JPH3: variants seen among roughly 807,000 people sequenced by gnomAD.
JPH3 encodes the protein junctophilin 3, also known as junctophilin-3.
JPH3 carries 11 observed loss-of-function variants against 59.6 expected under a neutral mutation model. The ratio of observed to expected loss-of-function variants is 0.18; its 90% CI spans 0.12 to 0.31. The LOEUF (loss-of-function observed/expected upper bound fraction) is 0.31. Among genes scored for constraint, JPH3 ranks in the 10% least tolerant of loss-of-function variants. The pLI is 1.00. For synonymous variants in JPH3, 673 were observed against 483.6 expected, an observed-to-expected ratio of 1.39 and a Z score of -5.14; for missense variants, 1,202 against 1,105.7, an observed-to-expected ratio of 1.09 and a Z score of -1.24.
In JPH3 at chr16:87,689,707, C is replaced by A. The variant is rs148323380; in HGVS notation, c.1347C>A (p.Thr449=). The change falls in exon 4 of 5, where the codon ACC becomes ACA. Residue 449 remains threonine, a synonymous_variant. Coordinates refer to ENST00000284262, the MANE Select transcript of JPH3 (RefSeq NM_020655.4). ...GTGACGACATCGAGGTGCTGTCCAC[C>A]GGGACACCCCTGCAGCAGGAGAGCC... ...TSCDDIEVLS[T]GTPLQQESPE... The A allele has an allele frequency of 1.2e-6, 2 of 1,612,306 alleles. No homozygotes were observed. Among genetic ancestry groups the A allele is most frequent in the East Asian group, 2.2e-5 (1 of 44,870 alleles).
Position 87,609,262 on chromosome 16 carries a change from T to C in JPH3, c.382+5734T>C, listed in dbSNP as rs113460852. Among the ~76,000 whole-genome samples, 19 of 152,244 alleles carry C rather than the reference T, an allele frequency of 1.2e-4. 1 individual carries two copies. Among genetic ancestry groups the C allele is most frequent in the African/African-American group, 4.3e-4 (18 of 41,548 alleles). ...GGGGTGAGACTTTATTTTTTTGTTT[T>C]TATTTATTTATTTATCTGTTTTGAG... On this transcript the variant is annotated intron_variant, in intron 1 of 4. Coordinates refer to ENST00000284262, the MANE Select transcript of JPH3 (RefSeq NM_020655.4).
At chr16:87,692,969 G>A (rs1041897734) in intron 4 of JPH3, among the ~76,000 whole-genome samples, 5 of 152,234 alleles carry the variant, frequency 3.3e-5, no homozygotes, top group South Asian at 2.1e-4. Flanking sequence ...CGCTGGGGTG[G>A]GGGAACTTTG....
intron 3 of JPH3, among the ~76,000 whole-genome samples, chr16:87,687,924 TC>T (rs1221180963): frequency 2.0e-5 from 3 of 149,962 alleles, no homozygotes; most frequent in African/African-American, 7.6e-5. Context: ...CCCTTGGAAG[TC>T]CCATCCTGGC....
At chr16:87,612,590 C>T (rs2030770063) in intron 1 of JPH3, among the ~76,000 whole-genome samples, 1 of 152,172 alleles carries the variant, frequency 6.6e-6, no homozygotes, top group South Asian at 2.1e-4. Context: ...AGACCACTGA[C>T]ACTGGAAACT....
intron 2 of JPH3, among the ~76,000 whole-genome samples, chr16:87,670,407 G>A (rs1359032253): frequency 6.6e-6 from 1 of 152,172 alleles, no homozygotes; most frequent in Non-Finnish European, 1.5e-5. Context: ...TGCTCCCTGT[G>A]GTCCAGCCTG....
chr16:87,672,798 G>C (rs2033051041), intron 2 of JPH3, among the ~76,000 whole-genome samples: 1 of 152,174 alleles, frequency 6.6e-6, no homozygotes, highest in South Asian at 2.1e-4. Context: ...TGGCCATTGG[G>C]GAAAGGTAAA....
chr16:87,605,674 TC>T (rs2030492527), intron 1 of JPH3, among the ~76,000 whole-genome samples: 1 of 152,122 alleles, frequency 6.6e-6, no homozygotes, highest in Non-Finnish European at 1.5e-5. Flanking sequence ...CCTAAGCCCT[TC>T]CCCTCCTTGT....
intron 1 of JPH3, among the ~76,000 whole-genome samples, chr16:87,629,687 G>A (rs1001109545): frequency 1.3e-5 from 2 of 151,252 alleles, no homozygotes; most frequent in Non-Finnish European, 2.9e-5. Context: ...GGGTTGGGGG[G>A]GAGGGAGGGA....
chr16:87,695,671 A>G (rs937955006), intron 4 of JPH3: 5 of 455,770 alleles, frequency 1.1e-5, no homozygotes, highest in African/African-American at 1.0e-4. Flanking sequence ...CTGTATCTGT[A>G]GGGCAGCACC....
intron 3 of JPH3, among the ~76,000 whole-genome samples, chr16:87,688,433 T>G (rs569168429): frequency 2.0e-4 from 30 of 151,222 alleles, no homozygotes; most frequent in Admixed American, 1.5e-3. Context: ...ACACCGAGGG[T>G]AGCCATGTCT....
rs187221561 is a variant in JPH3 at position 87,697,836 on chromosome 16, C to T, written c.*1176C>T. The T allele has an allele frequency of 6.6e-6, 1 of 152,314 alleles. No homozygotes were observed. The highest frequency in any genetic ancestry group is 2.4e-5 in the African/African-American group (1 of 41,468). The allele number at this position is 152,314 out of a possible 1,614,324, so 9.4% of individuals were successfully genotyped here. A position where few individuals can be genotyped will look rare whatever the true frequency, so the allele number is the denominator to read the frequency against. ...GTTCCTTATGTTTCTGCCTTCTCCA[C>T]CAGGGTCGCTCCATCACCCAAACAA... On this transcript the variant is annotated 3_prime_UTR_variant, in exon 5 of 5. Transcript: ENST00000284262.
intron 1 of JPH3, among the ~76,000 whole-genome samples, chr16:87,625,259 T>G (rs1157384659): frequency 6.6e-6 from 1 of 152,060 alleles, no homozygotes; most frequent in Non-Finnish European, 1.5e-5. Context: ...TTGGAGGAAG[T>G]GGGGTGACAG....
intron 1 of JPH3, among the ~76,000 whole-genome samples, chr16:87,621,623 C>A (rs536190502): frequency 6.6e-6 from 1 of 152,242 alleles, no homozygotes; most frequent in Non-Finnish European, 1.5e-5. Flanking sequence ...CTGTCTCAGA[C>A]GGTGGATGCA....
intron 2 of JPH3, among the ~76,000 whole-genome samples, chr16:87,656,650 G>A (rs963465301): frequency 6.6e-5 from 10 of 152,310 alleles, no homozygotes; most frequent in African/African-American, 2.2e-4. Context: ...CAGGAAAAAC[G>A]TGCAGCTGGC....
At chr16:87,656,918 G>A (rs1174429398) in intron 2 of JPH3, among the ~76,000 whole-genome samples, 3 of 152,124 alleles carry the variant, frequency 2.0e-5, no homozygotes, top group African/African-American at 4.8e-5. Context: ...CTCTGTTCAC[G>A]GGGCTTTCCT....
chr16:87,686,748 C>T (rs2033428384), intron 3 of JPH3, among the ~76,000 whole-genome samples: 1 of 152,186 alleles, frequency 6.6e-6, no homozygotes, highest in Admixed American at 6.5e-5. Context: ...GCTCAGGTCC[C>T]TGCAGGAGGG....
chr16:87,679,842 C>T (rs1215606952), intron 2 of JPH3, among the ~76,000 whole-genome samples: 1 of 152,252 alleles, frequency 6.6e-6, no homozygotes, highest in African/African-American at 2.4e-5. Context: ...TTGGTCCCTC[C>T]CTGCCCATGG....
chr16:87,686,137 C>T (rs1370558060), intron 3 of JPH3, among the ~76,000 whole-genome samples: 64 of 152,228 alleles, frequency 4.2e-4, no homozygotes, highest in Admixed American at 4.2e-3. Flanking sequence ...CTTCTAACTT[C>T]CAGAAACACG....
rs113099918 is a variant in JPH3 at position 87,616,937 on chromosome 16, G to A, written c.382+13409G>A. 5.5e-3 allele frequency among the ~76,000 whole-genome samples: 833 copies of A among 152,252 alleles called. 7 individuals are homozygous for A. The highest frequency in any genetic ancestry group is 0.019 in the African/African-American group (774 of 41,540). On this transcript the variant is annotated intron_variant, in intron 1 of 4. Coordinates refer to ENST00000284262, the MANE Select transcript of JPH3 (RefSeq NM_020655.4). ...TAGGTGTTGCCTATATCAATAGTTC[G>A]TTCCAGGCTGGGCTCCGTGGCTCAC... is the stretch of plus-strand genomic sequence containing the variant.
Sources: allele counts gnomAD v4.1 joint callset (sites outside exome capture counted in the v4.1 genomes callset), GRCh38; gene constraint gnomAD v4.1.1; transcripts MANE v1.5; gene names NCBI Gene and HGNC (gene_info 2026-07-23, HGNC 2026-07-21).